KCNU1: variants seen among roughly 807,000 people sequenced by gnomAD.
KCNU1 encodes the protein potassium channel subfamily U member 1.
KCNU1 carries 93 observed loss-of-function variants against 126.8 expected under a neutral mutation model. The observed-to-expected ratio is 0.73, with a 90% confidence interval of 0.62 to 0.87. The LOEUF is 0.87. Ranked by LOEUF, KCNU1 falls within the 40% of genes least tolerant of loss-of-function variation. The pLI is 0.00. For synonymous variants in KCNU1, 523 were observed against 494.2 expected, an observed-to-expected ratio of 1.06 and a Z score of -0.77; for missense variants, 1,330 against 1,367.1, an observed-to-expected ratio of 0.97 and a Z score of 0.43.
chr8:36,931,997 T>A lies in KCNU1; in HGVS notation c.2931+852T>A, dbSNP rs188963571. On this transcript the variant is annotated intron_variant, in intron 25 of 26. Coordinates refer to ENST00000399881, the MANE Select transcript of KCNU1 (RefSeq NM_001031836.3). ...TTTTAATTGGCATTGCATTCAGTTATCCAGTGTTACTGTTAGGGGCAGGCT... is the reference window on the plus strand; with the variant it reads ...TTTTAATTGGCATTGCATTCAGTTAACCAGTGTTACTGTTAGGGGCAGGCT... 3.9e-5 allele frequency among the ~76,000 whole-genome samples: 6 copies of A among 152,266 alleles called. No individual in the cohort carries two copies. The East Asian group carries it at 1.2e-3, about 29-fold the overall frequency.
intron 19 of KCNU1, among the ~76,000 whole-genome samples, chr8:36,890,836 T>C (rs1372489018): frequency 1.3e-5 from 2 of 151,916 alleles, no homozygotes; most frequent in Non-Finnish European, 2.9e-5. Flanking sequence ...TTACCTTTTT[T>C]CTTGATGTCT....
chr8:36,905,582 C>T (rs148799585), intron 19 of KCNU1, 126 bp from the exon 20 acceptor site: 22 of 677,084 alleles, frequency 3.2e-5, no homozygotes, highest in Non-Finnish European at 4.9e-5. Flanking sequence ...GTCTTACAGA[C>T]CTGAGGTCAT....
Position 36,806,376 on chromosome 8 carries a change from G to T in KCNU1, c.576G>T (p.Trp192Cys). The change falls in exon 5 of 27, where the codon TGG becomes TGT. Residue 192 changes from tryptophan to cysteine, a missense_variant. Physicochemically the swap from Trp to Cys is radical, Grantham distance 215. This residue lies in a region of KCNU1 where 247 missense variants were observed against 255.4 expected (regional missense o/e 0.97). Coordinates refer to ENST00000399881, the MANE Select transcript of KCNU1 (RefSeq NM_001031836.3). ...TTTCTTATTATTTGAAGAGCAATTGGCTAGGTAAGTGTGCTCTGGGAACGG... is the reference window on the plus strand; with the variant it reads ...TTTCTTATTATTTGAAGAGCAATTGTCTAGGTAAGTGTGCTCTGGGAACGG... ...TFISYYLKSNWLGLRFLRALR... is the reference protein window; with the variant it reads ...TFISYYLKSNCLGLRFLRALR... The T allele has an allele frequency of 1.3e-6, 2 of 1,566,460 alleles. No homozygotes were observed. Among genetic ancestry groups the T allele is most frequent in the Non-Finnish European group, 8.8e-7 (1 of 1,140,536 alleles).
At chr8:36,807,530 A>G in intron 6 of KCNU1, 80 bp downstream of exon 6, 6 of 993,196 alleles carry the variant, frequency 6.0e-6, no homozygotes, top group Non-Finnish European at 9.6e-6. Flanking sequence ...CCTAAACTCA[A>G]TGCATTTCTT....
At chr8:36,809,482 T>C (rs1465395714) in intron 7 of KCNU1, among the ~76,000 whole-genome samples, 1 of 152,196 alleles carries the variant, frequency 6.6e-6, no homozygotes, top group Non-Finnish European at 1.5e-5. Context: ...TCTCTCAAAA[T>C]TAATATAAAA....
chr8:36,913,061 A>T (rs539441182), intron 22 of KCNU1, among the ~76,000 whole-genome samples: 7 of 149,908 alleles, frequency 4.7e-5, no homozygotes, highest in African/African-American at 1.7e-4. Flanking sequence ...CATTTAGTTG[A>T]TGGTCTAGGT....
chr8:36,861,273 A>T (rs1805720661), intron 18 of KCNU1, among the ~76,000 whole-genome samples: 1 of 152,182 alleles, frequency 6.6e-6, no homozygotes, highest in East Asian at 1.9e-4. Context: ...TGTCACTTGC[A>T]ATTATTCTTC....
chr8:36,817,521 AAAAAT>A, intron 9 of KCNU1, 124 bp from the exon 10 acceptor site: 5 of 510,884 alleles, frequency 9.8e-6, no homozygotes, highest in Admixed American at 3.3e-5. Context: ...AAAAAAAAAA[AAAAAT>A]CTGGGTGATG....
At position 36,864,483 on chromosome 8, in the gene KCNU1, A is replaced by G. The variant is rs557144078; in HGVS notation, c.1971A>G (p.Val657=). ...CAGGGCAGGATTCTCCGCCAAGGGTATCTGCAAGCACTTCGAGCATATCAA... is the reference window on the plus strand; with the variant it reads ...CAGGGCAGGATTCTCCGCCAAGGGTGTCTGCAAGCACTTCGAGCATATCAA... The part of the protein sequence containing the change: ...RISGQDSPPR[V]SASTSSISNF... Residue 657 remains valine, a synonymous_variant, in exon 19 of 27, where the codon GTA becomes GTG. Coordinates refer to ENST00000399881, the MANE Select transcript of KCNU1 (RefSeq NM_001031836.3). 606 of 1,612,766 alleles carry G rather than the reference A, an allele frequency of 3.8e-4. 3 individuals are homozygous for G. The South Asian group carries it at 6.4e-3, about 17-fold the overall frequency.
chr8:36,865,868 C>T (rs192348135), intron 19 of KCNU1, among the ~76,000 whole-genome samples: 22 of 151,682 alleles, frequency 1.5e-4, no homozygotes, highest in African/African-American at 4.8e-4. Flanking sequence ...GGAAATTCCT[C>T]CATTTGCAGC....
intron 9 of KCNU1, among the ~76,000 whole-genome samples, chr8:36,817,370 A>G (rs1026179075): frequency 6.6e-6 from 1 of 151,822 alleles, no homozygotes; most frequent in Non-Finnish European, 1.5e-5. Context: ...GTGGTGGCGC[A>G]TGCCTTTAAT....
intron 18 of KCNU1, among the ~76,000 whole-genome samples, chr8:36,857,247 A>G (rs1805559465): frequency 6.6e-6 from 1 of 152,190 alleles, no homozygotes; most frequent in Non-Finnish European, 1.5e-5. Context: ...CATTGTTTTC[A>G]TCCTGTGATA....
chr8:36,794,579 T>G (rs1263629175), intron 2 of KCNU1, among the ~76,000 whole-genome samples: 1 of 152,048 alleles, frequency 6.6e-6, no homozygotes, highest in Non-Finnish European at 1.5e-5. Flanking sequence ...AGGATGAGCA[T>G]TTTCTCATAA....
intron 6 of KCNU1, among the ~76,000 whole-genome samples, chr8:36,807,722 C>G (rs547600199): frequency 6.1e-4 from 91 of 149,708 alleles, no homozygotes; most frequent in African/African-American, 2.2e-3. Flanking sequence ...ATTCTAGGTC[C>G]CTCCACCAAA....
chr8:36,839,667 A>G (rs776935605), intron 14 of KCNU1, among the ~76,000 whole-genome samples: 10 of 152,298 alleles, frequency 6.6e-5, no homozygotes, highest in Non-Finnish European at 1.2e-4. Flanking sequence ...TGAACCAGCC[A>G]TAACTCTCCA....
chr8:36,878,672 T>G (rs1806357633), intron 19 of KCNU1, among the ~76,000 whole-genome samples: 1 of 151,786 alleles, frequency 6.6e-6, no homozygotes, highest in Admixed American at 6.6e-5. Context: ...TGGAAGAAAC[T>G]CCAAAGGATT....
chr8:36,832,847 T>C (rs1165159958), intron 10 of KCNU1, among the ~76,000 whole-genome samples: 1 of 152,112 alleles, frequency 6.6e-6, no homozygotes, highest in Non-Finnish European at 1.5e-5. Context: ...TCTCAAAGCA[T>C]ATATATTTAA....
At chr8:36,814,858 A>C (rs1486827506) in intron 8 of KCNU1, among the ~76,000 whole-genome samples, 1 of 152,100 alleles carries the variant, frequency 6.6e-6, no homozygotes, top group African/African-American at 2.4e-5. Flanking sequence ...AGTGACTTTC[A>C]TTTCAATTCC....
intron 19 of KCNU1, among the ~76,000 whole-genome samples, chr8:36,876,957 G>A (rs1337546987): frequency 1.3e-5 from 2 of 152,102 alleles, no homozygotes; most frequent in Admixed American, 6.6e-5. Context: ...GAGAAGAAAC[G>A]GAGAAGTAGG....
Sources: allele counts gnomAD v4.1 joint callset (sites outside exome capture counted in the v4.1 genomes callset), GRCh38; gene constraint gnomAD v4.1.1; regional missense constraint gnomAD v4.1.1; transcripts MANE v1.5; gene names NCBI Gene and HGNC (gene_info 2026-07-23, HGNC 2026-07-21).